Variants in TSNARE1 observed in about 807,000 individuals in gnomAD.
TSNARE1 encodes the protein t-SNARE domain-containing protein 1.
Under a neutral mutation model 62.0 loss-of-function variants are expected in TSNARE1, and 49 were observed. That is an observed-to-expected ratio of 0.79 (90% CI 0.63 to 1.00). The LOEUF (loss-of-function observed/expected upper bound fraction) is 1.00. TSNARE1 is among the 50% of genes least tolerant of loss of function. The pLI, the probability that TSNARE1 is intolerant of heterozygous loss-of-function variation, is 0.00. For missense variants in TSNARE1, 755 were observed against 700.1 expected (o/e 1.08, Z -0.88); for synonymous variants, 328 against 294.4 (o/e 1.11, Z -1.17).
At chr8:142,227,684 C>T (rs1027970408) in intron 13 of TSNARE1, among the ~76,000 whole-genome samples, 16 of 152,352 alleles carry the variant, frequency 1.1e-4, no homozygotes, top group African/African-American at 2.4e-4. Flanking sequence ...CCTGCTGTTG[C>T]GGGACGAGCT....
At chr8:142,362,038 G>T (rs1253018375) in intron 1 of TSNARE1, among the ~76,000 whole-genome samples, 1 of 152,256 alleles carries the variant, frequency 6.6e-6, no homozygotes, top group African/African-American at 2.4e-5. Context: ...TGCAGCAGGA[G>T]GGCTTGCTGT....
Position 142,292,590 on chromosome 8 carries a change from G to A in TSNARE1, c.1290+7896C>T, listed in dbSNP as rs145143016. Among the ~76,000 whole-genome samples the A allele has an allele frequency of 2.2e-3, 328 of 152,242 alleles. 1 individual carries two copies. The highest frequency in any genetic ancestry group is 7.5e-3 in the African/African-American group (311 of 41,538). On this transcript the variant is annotated intron_variant, in intron 10 of 13. Transcript: ENST00000524325. Reference sequence around the variant, plus strand: ...GCCGGCCAGACCCCAGGAGGCTGTCGATGAGCTCTTCTAAGGGCTTATTTC... The same window carrying A: ...GCCGGCCAGACCCCAGGAGGCTGTCAATGAGCTCTTCTAAGGGCTTATTTC...
intron 11 of TSNARE1, chr8:142,277,177 G>T (rs548225090): frequency 1.7e-5 from 17 of 985,352 alleles, no homozygotes; most frequent in Non-Finnish European, 2.0e-5. Flanking sequence ...CTGGGCACCT[G>T]CTCCTCCCAA....
chr8:142,264,910 A>G (rs893839208), intron 12 of TSNARE1, among the ~76,000 whole-genome samples: 1 of 152,012 alleles, frequency 6.6e-6, no homozygotes, highest in Non-Finnish European at 1.5e-5. Context: ...ACAGTTCCAA[A>G]TGCTTCTTTG....
At chr8:142,244,135 G>T (rs574609084) in intron 12 of TSNARE1, among the ~76,000 whole-genome samples, 1 of 152,234 alleles carries the variant, frequency 6.6e-6, no homozygotes, top group Admixed American at 6.5e-5. Flanking sequence ...GCAGTGAGCC[G>T]AGATCGCGCC....
chr8:142,401,035 G>T (rs554233498), intron 1 of TSNARE1, among the ~76,000 whole-genome samples: 1 of 152,136 alleles, frequency 6.6e-6, no homozygotes, highest in South Asian at 2.1e-4. Context: ...GCCGTGTCGC[G>T]AATGGCTTGG....
At chr8:142,298,050 C>T (rs1364720230) in intron 10 of TSNARE1, among the ~76,000 whole-genome samples, 2 of 152,296 alleles carry the variant, frequency 1.3e-5, no homozygotes, top group Middle Eastern at 3.4e-3. Flanking sequence ...CCCCTGCTAC[C>T]CCCCGTCCGC....
At chr8:142,343,940 C>A in intron 4 of TSNARE1, 26 bp downstream of exon 4, 1 of 1,501,050 alleles carries the variant, frequency 6.7e-7, no homozygotes, top group Non-Finnish European at 8.9e-7. Context: ...GGCACCCTAG[C>A]AAGGTGAGCT....
At chr8:142,368,712 T>G (rs993405520) in intron 1 of TSNARE1, among the ~76,000 whole-genome samples, 1 of 152,050 alleles carries the variant, frequency 6.6e-6, no homozygotes, top group Admixed American at 6.5e-5. Flanking sequence ...GGGGTGCAGG[T>G]GCCAGCAGAC....
chr8:142,336,911 CAT>C (rs1396241017), intron 4 of TSNARE1, among the ~76,000 whole-genome samples: 1 of 152,000 alleles, frequency 6.6e-6, no homozygotes, highest in African/African-American at 2.4e-5. Context: ...TCTAAATAAT[CAT>C]GTGTAACAGA....
At chr8:142,300,784 G>GATCTGGGTCTGAGGCGT in intron 9 of TSNARE1, 140 bp from the exon 10 acceptor site, 2 of 823,422 alleles carry the variant, frequency 2.4e-6, no homozygotes, top group Non-Finnish European at 3.4e-6. Context: ...GTCTGAGGCG[G>GATCTGGGTCTGAGGCGT]GGGCCTTCTG....
intron 6 of TSNARE1, among the ~76,000 whole-genome samples, chr8:142,318,875 GGAACA>G (rs1311565497): frequency 6.6e-6 from 1 of 151,598 alleles, no homozygotes; most frequent in African/African-American, 2.4e-5. Context: ...AAGAGAGAAG[GGAACA>G]GAGACAAGAG....
intron 10 of TSNARE1, among the ~76,000 whole-genome samples, chr8:142,299,734 A>G (rs1458507424): frequency 6.6e-6 from 1 of 152,154 alleles, no homozygotes; most frequent in Non-Finnish European, 1.5e-5. Flanking sequence ...ATGCACGCAC[A>G]CACGTGCACA....
At chr8:142,366,924 T>C (rs1467681303) in intron 1 of TSNARE1, among the ~76,000 whole-genome samples, 3 of 152,298 alleles carry the variant, frequency 2.0e-5, no homozygotes, top group Middle Eastern at 3.4e-3. Context: ...TCTGGTAAAG[T>C]ATCAGGATAT....
chr8:142,271,485 G>A (rs1819536664), intron 12 of TSNARE1: 5 of 1,295,334 alleles, frequency 3.9e-6, no homozygotes, highest in East Asian at 3.1e-5. Context: ...GGAGGTGCTG[G>A]CGCCGAAGAG....
intron 13 of TSNARE1, among the ~76,000 whole-genome samples, chr8:142,223,009 TACTC>T (rs1208624575): frequency 3.4e-4 from 5 of 14,784 alleles, no homozygotes; most frequent in African/African-American, 6.7e-4. Context: ...TTCACTCATT[TACTC>T]ACTCACTCAG....
chr8:142,399,274 C>G (rs1196523918), intron 1 of TSNARE1, among the ~76,000 whole-genome samples: 2 of 152,216 alleles, frequency 1.3e-5, no homozygotes, highest in African/African-American at 4.8e-5. Context: ...AAGAACAGCA[C>G]AGGCTCAAGA....
At chr8:142,280,186 T>C in intron 11 of TSNARE1, 3 of 985,348 alleles carry the variant, frequency 3.0e-6, no homozygotes, top group Non-Finnish European at 3.6e-6. Flanking sequence ...GGGGCTGAAG[T>C]TGGGCTTGCG....
Position 142,277,391 on chromosome 8 carries a change from G to T in TSNARE1, c.1364-2528C>A, listed in dbSNP as rs77108503. The T allele has an allele frequency of 0.01, 9,917 of 985,316 alleles. 773 individuals carry two copies. In the African/African-American group the frequency reaches 0.16, roughly 16 times the overall value. The allele number at this position is 985,316 out of a possible 1,614,324, so 61.0% of individuals were successfully genotyped here. A position where few individuals can be genotyped will look rare whatever the true frequency, so the allele number is the denominator to read the frequency against. On this transcript the variant is annotated intron_variant, in intron 11 of 13. Coordinates refer to ENST00000524325, the MANE Select transcript of TSNARE1 (RefSeq NM_145003.5). ...TCAGGGCACAGGGACCCCTGTGGGA[G>T]ACCCCCCTGCACTGGGTCAACTCGC...
Sources: gnomAD v4.1 joint callset for allele counts (sites outside exome capture counted in the v4.1 genomes callset) on GRCh38, gnomAD v4.1.1 for gene constraint, MANE v1.5 for transcripts, NCBI Gene and HGNC (gene_info 2026-07-23, HGNC 2026-07-21) for gene names.